Variants in SYTL4 observed in about 807,000 individuals in gnomAD.
SYTL4 encodes synaptotagmin like 4.
A neutral mutation model predicts 52.7 loss-of-function variants in SYTL4; 16 were observed. The observed-to-expected ratio is 0.30, with a 90% CI of 0.21 to 0.46. The LOEUF (loss-of-function observed/expected upper bound fraction) is 0.46. SYTL4 is among the 20% of genes least tolerant of loss of function. The pLI is 1.00. For missense variants in SYTL4, 423 were observed against 519.9 expected (o/e 0.81, Z 1.81); for synonymous variants, 160 against 186.6 (o/e 0.86, Z 1.16).
In SYTL4 at chrX:100,687,197, C is replaced by T. The variant is rs745369696; in HGVS notation, c.1054G>A (p.Gly352Arg). 31 of 1,209,854 alleles carry T rather than the reference C, an allele frequency of 2.6e-5. No individual in the cohort carries two copies. Among genetic ancestry groups the T allele is most frequent in the South Asian group, 3.5e-5 (2 of 56,737 alleles). Residue 352 changes from glycine (G) to arginine (R), a missense_variant, in exon 14 of 20, where the codon GGG becomes AGG. By Grantham distance (125) the Gly-to-Arg change is moderately radical. Coordinates refer to ENST00000372989, the MANE Select transcript of SYTL4 (RefSeq NM_001370165.1). ...MSIYSEAGDF[G>R]NIFVTGRIAF... ...ATCCTGCCAGTCACAAAGATGTTCC[C>T]GAAATCACCAGCTTCACTGTAGATG... is the stretch of plus-strand genomic sequence containing the variant.
chrX:100,683,215 C>T (rs2083414452), intron 16 of SYTL4, among the ~76,000 whole-genome samples: 3 of 103,324 alleles, frequency 2.9e-5, no homozygotes, highest in Admixed American at 1.1e-4. Context: ...GGCGCAATCT[C>T]GGCTCACAGC....
chrX:100,728,659 C>A lies in SYTL4; in HGVS notation c.-240+2759G>T, dbSNP rs185477052. 2.6e-3 allele frequency among the ~76,000 whole-genome samples: 289 copies of A among 111,921 alleles called. 2 individuals carry two copies. Among genetic ancestry groups the A allele is most frequent in the African/African-American group, 8.9e-3 (275 of 30,782 alleles). ...CCACACCCCTTCCTCCCAGTGCAGTCCCCCTTCCTACCAACAAGAAGCACA... is the reference window on the plus strand; with the variant it reads ...CCACACCCCTTCCTCCCAGTGCAGTACCCCTTCCTACCAACAAGAAGCACA... On this transcript the variant is annotated intron_variant, in intron 2 of 19. Transcript: ENST00000372989.
At chrX:100,730,157 C>T (rs1174577057) in intron 2 of SYTL4, among the ~76,000 whole-genome samples, 1 of 111,001 alleles carries the variant, frequency 9.0e-6, no homozygotes, top group Non-Finnish European at 1.9e-5. Flanking sequence ...AGGACAATTA[C>T]CACAGAGCTG....
intron 2 of SYTL4, among the ~76,000 whole-genome samples, chrX:100,721,093 T>A (rs1191077080): frequency 1.8e-5 from 2 of 111,697 alleles, no homozygotes; most frequent in Non-Finnish European, 3.8e-5. Flanking sequence ...CTAATATTTT[T>A]AAAAAATACA....
At chrX:100,715,456 G>T (rs2084182263) in intron 2 of SYTL4, among the ~76,000 whole-genome samples, 1 of 111,832 alleles carries the variant, frequency 8.9e-6, no homozygotes, top group Non-Finnish European at 1.9e-5. Flanking sequence ...TTACTTAAAG[G>T]CTGGTTAAGG....
chrX:100,705,732 G>A (rs1447896033), intron 2 of SYTL4, among the ~76,000 whole-genome samples: 2 of 111,623 alleles, frequency 1.8e-5, no homozygotes, highest in Non-Finnish European at 3.8e-5. Context: ...AAAATCCAGG[G>A]AAGTAAGAAG....
chrX:100,683,142 T>A (rs1466901271), intron 16 of SYTL4, among the ~76,000 whole-genome samples: 7 of 98,166 alleles, frequency 7.1e-5, no homozygotes, highest in Non-Finnish European at 1.2e-4. Flanking sequence ...TATTTTTTTT[T>A]TTTTTTTTTT....
At chrX:100,688,314 C>T in intron 13 of SYTL4, 37 bp downstream of exon 13, 1 of 1,141,282 alleles carries the variant, frequency 8.8e-7, no homozygotes, top group Admixed American at 2.2e-5. Flanking sequence ...TCCTAGTACC[C>T]CAACATGCCT....
intron 12 of SYTL4, 24 bp from the exon 13 acceptor site, chrX:100,688,467 G>C: frequency 8.8e-7 from 1 of 1,141,937 alleles, no homozygotes; most frequent in Non-Finnish European, 1.2e-6. Context: ...TATAAATTCA[G>C]AGTTAATAAA....
chrX:100,701,312 G>T lies in SYTL4; in HGVS notation c.344C>A (p.Thr115Asn). ...TTTCTGGTCATAAAACCAGTCCCCAGTTGCTTTCTTCAACTCTCTGGGAAG... is the reference window on the plus strand; with the variant it reads ...TTTCTGGTCATAAAACCAGTCCCCATTTGCTTTCTTCAACTCTCTGGGAAG... ...CAKEIELKKA[T>N]GDWFYDQKVN... Residue 115 changes from threonine to asparagine, a missense_variant, in exon 7 of 20, where the codon ACT becomes AAT. Transcript: ENST00000372989. 8.3e-7 allele frequency: 1 copy of T among 1,208,552 alleles called. No homozygotes were observed. The highest frequency in any genetic ancestry group is 1.1e-6 in the Non-Finnish European group (1 of 892,435).
chrX:100,694,728 C>A (rs748864478), intron 8 of SYTL4, among the ~76,000 whole-genome samples: 1 of 111,872 alleles, frequency 8.9e-6, no homozygotes, highest in African/African-American at 3.2e-5. Flanking sequence ...CAATGCCTGG[C>A]ACATAGTAGG....
chrX:100,694,234 A>C (rs2083658799), intron 8 of SYTL4, among the ~76,000 whole-genome samples: 1 of 111,891 alleles, frequency 8.9e-6, no homozygotes, highest in Admixed American at 9.5e-5. Context: ...TGCCCCTCAG[A>C]GCCATCCTTC....
intron 2 of SYTL4, among the ~76,000 whole-genome samples, chrX:100,723,536 C>T (rs969359563): frequency 6.3e-5 from 7 of 111,853 alleles, no homozygotes; most frequent in Non-Finnish European, 9.4e-5. Context: ...TCTGCCCGGC[C>T]GCCACCCCAT....
intron 2 of SYTL4, among the ~76,000 whole-genome samples, chrX:100,710,360 T>C (rs954881036): frequency 8.0e-5 from 9 of 112,105 alleles, no homozygotes; most frequent in Non-Finnish European, 1.3e-4. Flanking sequence ...ATGAGTTTTA[T>C]ACTGATGTGA....
At chrX:100,690,838 A>G (rs2083582693) in intron 9 of SYTL4, among the ~76,000 whole-genome samples, 200 bp from the exon 10 acceptor site, 1 of 111,742 alleles carries the variant, frequency 8.9e-6, no homozygotes, top group African/African-American at 3.3e-5. Flanking sequence ...AAACACTCAC[A>G]CCCTCATTCT....
rs185989013 is a variant in SYTL4 at position 100,691,398 on chromosome X, C to G, written c.540-189G>C. On this transcript the variant is annotated intron_variant, in intron 8 of 19. Coordinates refer to ENST00000372989, the MANE Select transcript of SYTL4 (RefSeq NM_001370165.1). ...TCGCAATGTTGCCCAGGCTGGAGTA[C>G]TGTGGCTATTCACAGGTGCCATCAT... Among the ~76,000 whole-genome samples the G allele has an allele frequency of 4.4e-4, 49 of 112,184 alleles. No homozygotes were observed. In the Middle Eastern group the frequency reaches 0.018, roughly 42 times the overall value.
Position 100,698,254 on chromosome X carries a change from C to T in SYTL4, c.539+2643G>A, listed in dbSNP as rs943883170. ...AGCAGCTGGGACTACAGGCGCCTGC[C>T]ACCACGCCCGGCTAATTTTTTTGTA... is the stretch of plus-strand genomic sequence containing the variant. On this transcript the variant is annotated intron_variant, in intron 8 of 19. Transcript: ENST00000372989. Among the ~76,000 whole-genome samples the T allele has an allele frequency of 3.6e-5, 4 of 110,059 alleles. 1 individual carries two copies. The highest frequency in any genetic ancestry group is 2.9e-4 in the Admixed American group (3 of 10,365).
intron 2 of SYTL4, among the ~76,000 whole-genome samples, chrX:100,709,691 G>A (rs1020243023): frequency 2.7e-5 from 3 of 112,240 alleles, no homozygotes; most frequent in Non-Finnish European, 5.6e-5. Context: ...AAGATTAAAT[G>A]AGTTTTTAAA....
At chrX:100,690,528 AG>A in intron 10 of SYTL4, 34 bp downstream of exon 10, 2 of 1,097,092 alleles carry the variant, frequency 1.8e-6, no homozygotes, top group Non-Finnish European at 2.5e-6. Context: ...GAAGGAAGGG[AG>A]GGGAGGAAGG....
Sources: allele counts gnomAD v4.1 joint callset (sites outside exome capture counted in the v4.1 genomes callset), GRCh38; gene constraint gnomAD v4.1.1; transcripts MANE v1.5; gene names NCBI Gene and HGNC (gene_info 2026-07-23, HGNC 2026-07-21).